LRP5: variants seen among roughly 807,000 people sequenced by gnomAD.
LRP5 encodes the protein LDL receptor related protein 5, also known as low-density lipoprotein receptor-related protein 5.
Under a neutral mutation model 154.1 loss-of-function variants are expected in LRP5, and 62 were observed. The observed-to-expected ratio is 0.40, with a 90% confidence interval of 0.33 to 0.50. The LOEUF (loss-of-function observed/expected upper bound fraction) is 0.50, where lower values mean the gene tolerates loss of function less well. Among genes scored for constraint, LRP5 ranks in the 20% least tolerant of loss-of-function variants. The pLI is 0.55. For missense variants in LRP5, 1,915 were observed against 2,336.7 expected (o/e 0.82, Z 3.72); for synonymous variants, 966 against 1,011.5 (o/e 0.96, Z 0.85).
At chr11:68,310,084 C>T (rs571594132), upstream of LRP5, among the ~76,000 whole-genome samples, 9 of 152,272 alleles carry the variant, frequency 5.9e-5, no homozygotes, top group East Asian at 7.7e-4. Context: ...AAGAAAGATA[C>T]GTAAACATGT....
At chr11:68,355,413 A>G (rs1318647245) in intron 2 of LRP5, among the ~76,000 whole-genome samples, 3 of 152,222 alleles carry the variant, frequency 2.0e-5, no homozygotes, top group African/African-American at 7.2e-5. Flanking sequence ...CTCAGAGGAC[A>G]TTCTGGGCAC....
rs1214917863 is a variant in LRP5, at chr11:68,386,823, A to T, written c.1412+111A>T. The T allele has an allele frequency of 5.4e-6, 7 of 1,288,510 alleles. No individual in the cohort carries two copies. The highest frequency in any genetic ancestry group is 5.3e-4 in the Middle Eastern group (2 of 3,806). 79.8% of individuals were successfully genotyped at this position (1,288,510 alleles called of 1,614,324 possible). A position where few individuals can be genotyped will look rare whatever the true frequency, so the allele number is the denominator to read the frequency against. ...GACACTGTCTTGCATCAGAACCCGG[A>T]GGAGGGCTTGTTAAAACACCGGCAG... On this transcript the variant is annotated intron_variant, in intron 6 of 22. Transcript: ENST00000294304. This position sits in a 1 kb window ranked among gnomAD's most constrained non-coding sequence, Gnocchi z 7.9.
chr11:68,388,293 C>T (rs2153154209), intron 6 of LRP5, among the ~76,000 whole-genome samples: 1 of 152,142 alleles, frequency 6.6e-6, no homozygotes, highest in Middle Eastern at 3.4e-3. Flanking sequence ...GGAGCTTGGT[C>T]AAGTCACTGT....
chr11:68,366,201 A>G (rs1383685554), intron 5 of LRP5, among the ~76,000 whole-genome samples: 1 of 152,152 alleles, frequency 6.6e-6, no homozygotes, highest in Non-Finnish European at 1.5e-5. Context: ...GAGAGGTGTC[A>G]GGAAAGCGCC....
chr11:68,312,766 C>T lies in LRP5; in HGVS notation c.52C>T (p.Leu18=), dbSNP rs777352225. The T allele has an allele frequency of 6.4e-6, 7 of 1,088,694 alleles. No homozygotes were observed. The South Asian group carries it at 1.0e-4, about 16-fold the overall frequency. The allele number at this position is 1,088,694 out of a possible 1,614,324, so 67.4% of individuals were successfully genotyped here. The change falls in exon 1 of 23, where the codon CTG becomes TTG. Residue 18 remains leucine (L), a synonymous_variant. Coordinates refer to ENST00000294304, the MANE Select transcript of LRP5 (RefSeq NM_002335.4). ...GTGGCCGCTGCTGCTGCTGCTGCTG[C>T]TGCTGCTGGCGCTGTGCGGCTGCCC... ...PPWPLLLLLL[L]LLALCGCPAP... is the part of the protein sequence containing the mutation.
Position 68,312,729 on chromosome 11 carries a change from G to A in LRP5, c.15G>A (p.Pro5=). The A allele has an allele frequency of 1.9e-6, 2 of 1,051,050 alleles. No homozygotes were observed. Among genetic ancestry groups the A allele is most frequent in the South Asian group, 3.2e-5 (1 of 30,888 alleles). 65.1% of individuals were successfully genotyped at this position (1,051,050 alleles called of 1,614,324 possible). A position where few individuals can be genotyped will look rare whatever the true frequency, so the allele number is the denominator to read the frequency against. The change falls in exon 1 of 23, where the codon CCG becomes CCA. Residue 5 remains proline, a synonymous_variant. Coordinates refer to ENST00000294304, the MANE Select transcript of LRP5 (RefSeq NM_002335.4). The stretch of plus-strand genomic sequence containing the variant: ...CGCCGGACAACATGGAGGCAGCGCC[G>A]CCCGGGCCGCCGTGGCCGCTGCTGC... MEAA[P]PGPPWPLLLL... is the part of the protein sequence containing the mutation.
chr11:68,363,830 C>A lies in LRP5; in HGVS notation c.770C>A (p.Thr257Asn), dbSNP rs557291376. ...GDTLYWTDWQ[T>N]RSIHACNKRT... ...ACTCTGTACTGGACAGACTGGCAGA[C>A]CCGCTCCATCCATGCCTGCAACAAG... The change falls in exon 4 of 23, where the codon ACC becomes AAC. Residue 257 changes from threonine (T) to asparagine (N), a missense_variant. Coordinates refer to ENST00000294304, the MANE Select transcript of LRP5 (RefSeq NM_002335.4). 6.2e-7 allele frequency: 1 copy of A among 1,613,048 alleles called. No individual in the cohort carries two copies. Among genetic ancestry groups the A allele is most frequent in the South Asian group, 1.1e-5 (1 of 91,042 alleles).
At position 68,364,042 on chromosome 11, in the gene LRP5, C is replaced by T. The variant is rs867610616; in HGVS notation, c.883+99C>T. On this transcript the variant is annotated intron_variant, in intron 4 of 22. Coordinates refer to ENST00000294304, the MANE Select transcript of LRP5 (RefSeq NM_002335.4). Reference sequence around the variant, plus strand: ...GAGGATGCGGGGGCGTGGGGGTGCGCGGGCGTGGGTGGGGTGGGGGGGCAG... The same window carrying T: ...GAGGATGCGGGGGCGTGGGGGTGCGTGGGCGTGGGTGGGGTGGGGGGGCAG... 7.4e-3 allele frequency: 183 copies of T among 24,834 alleles called. 1 individual carries two copies. The highest frequency in any genetic ancestry group is 0.014 in the African/African-American group (107 of 7,610). The allele number at this position is 24,834 out of a possible 1,614,324, so 1.5% of individuals were successfully genotyped here. A position where few individuals can be genotyped will look rare whatever the true frequency, so the allele number is the denominator to read the frequency against.
At chr11:68,325,785 T>G (rs2098599298) in intron 1 of LRP5, among the ~76,000 whole-genome samples, 1 of 152,226 alleles carries the variant, frequency 6.6e-6, no homozygotes, top group Admixed American at 6.5e-5. Context: ...GCACGTTAAC[T>G]GCTTCAGAGC....
At chr11:68,326,673 G>T (rs2098599875) in intron 1 of LRP5, among the ~76,000 whole-genome samples, 1 of 152,234 alleles carries the variant, frequency 6.6e-6, no homozygotes, top group Non-Finnish European at 1.5e-5. Flanking sequence ...GCCTGCTGTG[G>T]CTCCCCATCG....
intron 7 of LRP5, among the ~76,000 whole-genome samples, chr11:68,399,672 C>T (rs1226020283): frequency 6.6e-6 from 1 of 152,180 alleles, no homozygotes; most frequent in Non-Finnish European, 1.5e-5. Context: ...CCCCTGACGC[C>T]CAGAGGCTTG....
intron 13 of LRP5, among the ~76,000 whole-genome samples, chr11:68,418,014 CA>C (rs1389818898): frequency 1.3e-5 from 2 of 152,200 alleles, no homozygotes; most frequent in African/African-American, 2.4e-5. Context: ...GCCTGTTCCA[CA>C]AATGATGTGC....
intron 2 of LRP5, among the ~76,000 whole-genome samples, chr11:68,355,433 T>A (rs2098622423): frequency 6.6e-6 from 1 of 152,192 alleles, no homozygotes. Context: ...CTGTCCCCTT[T>A]CTCTGCTGTG....
chr11:68,397,075 T>G (rs1565074667), intron 7 of LRP5, among the ~76,000 whole-genome samples: 1 of 152,132 alleles, frequency 6.6e-6, no homozygotes, highest in Non-Finnish European at 1.5e-5. Flanking sequence ...CCCCGGGGGT[T>G]GGAAGTTCTG....
At chr11:68,437,401 CATG>C (rs2098675640) in intron 19 of LRP5, among the ~76,000 whole-genome samples, 1 of 152,236 alleles carries the variant, frequency 6.6e-6, no homozygotes, top group Non-Finnish European at 1.5e-5. Context: ...TGTGCACACA[CATG>C]TACATGACAA....
intron 3 of LRP5, among the ~76,000 whole-genome samples, chr11:68,361,440 T>A (rs1389203036): frequency 3.3e-5 from 5 of 151,852 alleles, no homozygotes; most frequent in African/African-American, 1.2e-4. Flanking sequence ...ATCGAGACCA[T>A]CCTGGGTAAC....
At chr11:68,355,362 G>C (rs1462946048) in intron 2 of LRP5, among the ~76,000 whole-genome samples, 1 of 152,206 alleles carries the variant, frequency 6.6e-6, no homozygotes, top group African/African-American at 2.4e-5. Context: ...GAGCAAGGGA[G>C]TCAGCACCAT....
In LRP5 at chr11:68,411,469, G is replaced by A. The variant is rs755749782; in HGVS notation, c.2352G>A (p.Pro784=). Residue 784 remains proline, a synonymous_variant, in exon 11 of 23, where the codon CCG becomes CCA. Coordinates refer to ENST00000294304, the MANE Select transcript of LRP5 (RefSeq NM_002335.4). ...ACTGGACCGAGTGGGGCGGCAAGCC[G>A]AGGATCGTGCGGGCCTTCATGGACG... is the stretch of plus-strand genomic sequence containing the variant. ...YIYWTEWGGK[P]RIVRAFMDGT... is the part of the protein sequence containing the mutation. 7.4e-6 allele frequency: 12 copies of A among 1,613,026 alleles called. No individual in the cohort carries two copies. The highest frequency in any genetic ancestry group is 6.7e-5 in the East Asian group (3 of 44,876).
chr11:68,410,459 C>T (rs890926207), intron 10 of LRP5, among the ~76,000 whole-genome samples: 1 of 152,174 alleles, frequency 6.6e-6, no homozygotes, highest in Admixed American at 6.5e-5. Flanking sequence ...TCAGAGAAAC[C>T]GAGTGACTTC....
Sources: allele counts gnomAD v4.1 joint callset (sites outside exome capture counted in the v4.1 genomes callset), GRCh38; gene constraint gnomAD v4.1.1; non-coding constraint Gnocchi (gnomAD v3.1); transcripts MANE v1.5; gene names NCBI Gene and HGNC (gene_info 2026-07-23, HGNC 2026-07-21).